The following PCLO variants were observed in gnomAD, a reference collection of about 807,000 sequenced individuals.
The protein encoded by PCLO is piccolo presynaptic cytomatrix protein.
PCLO carries 82 observed loss-of-function variants against 427.5 expected under a neutral mutation model. The ratio of observed to expected loss-of-function variants is 0.19; its 90% confidence interval spans 0.16 to 0.23. The LOEUF (loss-of-function observed/expected upper bound fraction) is 0.23. Among genes scored for constraint, PCLO ranks in the 10% least tolerant of loss-of-function variants. The pLI is 1.00. For synonymous variants in PCLO, 2,357 were observed against 2,155.4 expected (o/e 1.09, Z -2.59); for missense variants, 6,239 against 6,115.9 (o/e 1.02, Z -0.67).
chr7:83,029,437 C>T (rs1164884432), intron 3 of PCLO, among the ~76,000 whole-genome samples: 10 of 139,362 alleles, frequency 7.2e-5, no homozygotes, highest in Non-Finnish European at 1.2e-4. Context: ...GTTAGAATGG[C>T]AATCATTAAA....
At chr7:82,824,564 T>G (rs1791886907) in intron 18 of PCLO, 148 bp from the exon 19 acceptor site, 1 of 486,878 alleles carries the variant, frequency 2.1e-6, no homozygotes, top group Non-Finnish European at 3.6e-6. Flanking sequence ...TTCCTCAGTT[T>G]TCTTCACCAA....
At position 82,915,960 on chromosome 7, in the gene PCLO, A is replaced by G; in HGVS notation, c.12026T>C (p.Leu4009Ser). Residue 4009 changes from leucine (L) to serine (S), a missense_variant, in exon 7 of 25, where the codon TTA becomes TCA. Leu to Ser is a moderately radical substitution (Grantham distance 145, BLOSUM62 -2). Around this residue, in one of 5 missense-constraint regions of PCLO, gnomAD observed 680 missense variants for 677.3 expected, o/e 1.00. Transcript: ENST00000333891. The part of the protein sequence containing the change: ...VSHLGSKYNS[L>S]DLRIGLEERS... ...TTCCTCCAAACCTATTCTCAAGTCT[A>G]AACTATTGTACTTACTACCAAGATG... 1 of 1,612,990 alleles carries G rather than the reference A, an allele frequency of 6.2e-7. No homozygotes were observed. The highest frequency in any genetic ancestry group is 8.5e-7 in the Non-Finnish European group (1 of 1,179,762).
At chr7:83,090,413 G>C (rs1398684520) in intron 3 of PCLO, among the ~76,000 whole-genome samples, 2 of 152,118 alleles carry the variant, frequency 1.3e-5, no homozygotes, top group African/African-American at 4.8e-5. Context: ...TGATCAATTA[G>C]GAAGTTACTA....
At chr7:82,980,634 C>G (rs1188175865) in intron 3 of PCLO, among the ~76,000 whole-genome samples, 1 of 152,142 alleles carries the variant, frequency 6.6e-6, no homozygotes. Flanking sequence ...TAGCATGGAA[C>G]TTCCTCCCTA....
intron 3 of PCLO, among the ~76,000 whole-genome samples, chr7:83,005,337 C>T (rs187725375): frequency 2.0e-5 from 3 of 151,474 alleles, no homozygotes; most frequent in Non-Finnish European, 4.4e-5. Context: ...ATACTGCATA[C>T]TCTCAATTAT....
At chr7:82,836,159 T>C (rs1792228622) in intron 15 of PCLO, among the ~76,000 whole-genome samples, 2 of 152,174 alleles carry the variant, frequency 1.3e-5, no homozygotes, top group African/African-American at 2.4e-5. Flanking sequence ...AACATTCTAA[T>C]TGACACATAT....
At chr7:82,876,398 T>C (rs1793370204) in intron 10 of PCLO, among the ~76,000 whole-genome samples, 1 of 150,800 alleles carries the variant, frequency 6.6e-6, no homozygotes, top group Non-Finnish European at 1.5e-5. Flanking sequence ...CATAAGGGGT[T>C]GAGGATGAAG....
intron 3 of PCLO, among the ~76,000 whole-genome samples, chr7:83,114,097 C>T (rs906832073): frequency 6.6e-6 from 1 of 152,034 alleles, no homozygotes; most frequent in African/African-American, 2.4e-5. Flanking sequence ...AATTATAACT[C>T]GATTAAGAGA....
Position 82,956,104 on chromosome 7 carries a change from T to C in PCLO, c.4849A>G (p.Thr1617Ala), listed in dbSNP as rs570437641. 2.5e-6 allele frequency: 4 copies of C among 1,610,730 alleles called. No homozygotes were observed. The South Asian group carries it at 3.3e-5, about 13-fold the overall frequency. ...CTTCCTGCATCTTCATCAATGCTTGTGCTACTTTTTCGAGTCAGTCGTCTG... is the reference window on the plus strand; with the variant it reads ...CTTCCTGCATCTTCATCAATGCTTGCGCTACTTTTTCGAGTCAGTCGTCTG... Reference protein sequence around the residue: ...KHRRLTRKSSTSIDEDAGRRH... With the variant: ...KHRRLTRKSSASIDEDAGRRH... Residue 1617 changes from threonine (T) to alanine (A), a missense_variant, in exon 5 of 25, where the codon ACA (threonine) becomes GCA (alanine). Transcript: ENST00000333891.
At chr7:82,820,402 G>A (rs777754837) in intron 20 of PCLO, 19 of 571,938 alleles carry the variant, frequency 3.3e-5, no homozygotes, top group African/African-American at 3.9e-5. Flanking sequence ...CTATTGCAAC[G>A]AAATCAATTG....
chr7:82,838,479 A>C (rs1366929272), intron 14 of PCLO, 137 bp from the exon 15 acceptor site: 2 of 564,082 alleles, frequency 3.5e-6, no homozygotes, highest in Non-Finnish European at 3.0e-6. Flanking sequence ...GAAACCAAAC[A>C]GACCAGTTAA....
chr7:82,964,399 C>A (rs187975551), intron 4 of PCLO, among the ~76,000 whole-genome samples: 181 of 152,078 alleles, frequency 1.2e-3, no homozygotes, highest in Admixed American at 0.01. Context: ...TGAAGTAGAA[C>A]TACTGACTAG....
rs1015910844 is a variant in PCLO, at chr7:82,756,511, G to A, written c.*2064C>T. 6.7e-6 allele frequency: 1 copy of A among 148,624 alleles called. No homozygotes were observed. Among genetic ancestry groups the A allele is most frequent in the African/African-American group, 2.5e-5 (1 of 40,504 alleles). 9.2% of individuals were successfully genotyped at this position (148,624 alleles called of 1,614,324 possible). A position where few individuals can be genotyped will look rare whatever the true frequency, so the allele number is the denominator to read the frequency against. Reference sequence around the variant, plus strand: ...GTTATGGTTATCTTTCTCAGTTTGGGGAAGATCGAATTTGTATTCTGAAGT... The same window carrying A: ...GTTATGGTTATCTTTCTCAGTTTGGAGAAGATCGAATTTGTATTCTGAAGT... On this transcript the variant is annotated 3_prime_UTR_variant, in exon 25 of 25. Coordinates refer to ENST00000333891, the MANE Select transcript of PCLO (RefSeq NM_033026.6).
chr7:82,945,360 T>C (rs970575501), intron 6 of PCLO, among the ~76,000 whole-genome samples: 1 of 152,054 alleles, frequency 6.6e-6, no homozygotes, highest in Non-Finnish European at 1.5e-5. Flanking sequence ...AAGTACAATA[T>C]AGTGCTTGGA....
At position 82,843,247 on chromosome 7, in the gene PCLO, T is replaced by C. The variant is rs150279699; in HGVS notation, c.14047-1738A>G. Among the ~76,000 whole-genome samples, 275 of 152,296 alleles carry C rather than the reference T, an allele frequency of 1.8e-3. 4 individuals carry two copies. The highest frequency in any genetic ancestry group is 5.9e-3 in the African/African-American group (245 of 41,572). On this transcript the variant is annotated intron_variant, in intron 13 of 24. Coordinates refer to ENST00000333891, the MANE Select transcript of PCLO (RefSeq NM_033026.6). ...TAAAAAACAAGGAAGTCCTGTCATT[T>C]GTAACAAGATGGATAAACCTGAAGG... is the stretch of plus-strand genomic sequence containing the variant.
intron 3 of PCLO, among the ~76,000 whole-genome samples, chr7:83,097,622 A>G (rs1002801550): frequency 8.5e-6 from 1 of 117,146 alleles, no homozygotes; most frequent in South Asian, 2.6e-4. Flanking sequence ...TTCACGTATC[A>G]TGCTTTATAA....
intron 3 of PCLO, among the ~76,000 whole-genome samples, chr7:83,101,773 AC>A (rs1163667835): frequency 6.6e-6 from 1 of 152,130 alleles, no homozygotes; most frequent in Non-Finnish European, 1.5e-5. Context: ...CCTATCACGC[AC>A]TGCAAAAAAT....
Position 82,956,674 on chromosome 7 carries a change from G to C in PCLO, c.4279C>G (p.Leu1427Val). 1 of 1,613,844 alleles carries C rather than the reference G, an allele frequency of 6.2e-7. No individual in the cohort carries two copies. Among genetic ancestry groups the C allele is most frequent in the Non-Finnish European group, 8.5e-7 (1 of 1,179,810 alleles). The change falls in exon 5 of 25, where the codon CTT (leucine) becomes GTT (valine). Residue 1427 changes from leucine to valine, a missense_variant. By Grantham distance (32) the Leu-to-Val change is conservative. Coordinates refer to ENST00000333891, the MANE Select transcript of PCLO (RefSeq NM_033026.6). ...LSILEAQAST[L>V]ADEKSEKKTQ... ...TTCTTTTCTGACTTTTCATCAGCAA[G>C]TGTACTTGCTTGAGCTTCCAAAATA...
intron 3 of PCLO, among the ~76,000 whole-genome samples, chr7:83,049,274 A>G (rs1312124194): frequency 1.1e-4 from 17 of 152,166 alleles, no homozygotes; most frequent in Admixed American, 1.1e-3. Context: ...GGCATGATAC[A>G]AAAGCACTTT....
Sources: gnomAD v4.1 joint callset for allele counts (sites outside exome capture counted in the v4.1 genomes callset) on GRCh38, gnomAD v4.1.1 for gene constraint, gnomAD v4.1.1 regional missense constraint, MANE v1.5 for transcripts, NCBI Gene and HGNC (gene_info 2026-07-23, HGNC 2026-07-21) for gene names.